FASTKD1: variants seen among roughly 807,000 people sequenced by gnomAD.
FASTKD1 encodes FAST kinase domains 1.
In FASTKD1, 94 loss-of-function variants were observed where a neutral mutation model predicts 90.9. The observed-to-expected ratio is 1.03, with a 90% CI of 0.88 to 1.23. The LOEUF (loss-of-function observed/expected upper bound fraction) is 1.23, where lower values mean the gene tolerates loss of function less well. FASTKD1 is among the 50% of genes most tolerant of loss of function. FASTKD1 has a pLI of 0.00. For missense variants in FASTKD1, 945 were observed against 993.5 expected (o/e 0.95, Z 0.66); for synonymous variants, 319 against 345.8 (o/e 0.92, Z 0.86).
In FASTKD1 at chr2:169,571,823, T is replaced by A. The variant is rs1362230808; in HGVS notation, c.207A>T (p.Gly69=). ...NKAILSEKQV[G]CAFDMLWKLQ... ...GCTTCCAAAGCATATCAAATGCACA[T>A]CCCACTTGCTTTTCTGAAAGTATGG... The change falls in exon 2 of 15, where the codon GGA becomes GGT. Residue 69 remains glycine (G), a synonymous_variant. Coordinates refer to ENST00000453153, the MANE Select transcript of FASTKD1 (RefSeq NM_024622.6). The A allele has an allele frequency of 6.2e-7, 1 of 1,614,066 alleles. No homozygotes were observed. Among genetic ancestry groups the A allele is most frequent in the Middle Eastern group, 1.7e-4 (1 of 6,058 alleles).
chr2:169,569,351 T>C (rs1684133676), intron 2 of FASTKD1, 99 bp from the exon 3 acceptor site: 2 of 1,132,644 alleles, frequency 1.8e-6, no homozygotes, highest in Non-Finnish European at 2.7e-6. Flanking sequence ...CTCAAGTTAT[T>C]TTCCTCTTAT....
chr2:169,568,488 C>G (rs183847317), intron 3 of FASTKD1, among the ~76,000 whole-genome samples: 1 of 151,662 alleles, frequency 6.6e-6, no homozygotes, highest in African/African-American at 2.4e-5. Context: ...GAAATACTTT[C>G]TTTTCTCTCT....
intron 2 of FASTKD1, among the ~76,000 whole-genome samples, chr2:169,570,352 AT>A (rs1421782409): frequency 6.6e-6 from 1 of 151,174 alleles, no homozygotes; most frequent in African/African-American, 2.4e-5. Context: ...TGCTCTCTTC[AT>A]TTTTTCTTCA....
chr2:169,540,787 C>G (rs1037159837), intron 9 of FASTKD1, among the ~76,000 whole-genome samples: 8 of 152,122 alleles, frequency 5.3e-5, no homozygotes, highest in African/African-American at 1.7e-4. Context: ...AGCTCTGGAG[C>G]CTGGATTATT....
At chr2:169,568,628 T>TAAAAAAAAAAAAAAAA (rs10618482) in intron 3 of FASTKD1, among the ~76,000 whole-genome samples, 4 of 41,506 alleles carry the variant, frequency 9.6e-5, no homozygotes, top group Non-Finnish European at 9.9e-5. Context: ...CCCTGTCCAT[T>TAAAAAAAAAAAAAAAA]AAAAAAAAAA....
chr2:169,557,191 T>C lies in FASTKD1; in HGVS notation c.1078A>G (p.Lys360Glu), dbSNP rs1304024983. ...DMESRNSCLI[K>E]RVTSVLHKHL... ...CGTAAATTTCAGAAAAGATACCTTT[T>C]AATCAGACATGAGTTTCTGCTTTCC... The change falls in exon 6 of 15, where the codon AAA (lysine) becomes GAA (glutamate). Residue 360 changes from lysine to glutamate, a missense_variant. Coordinates refer to ENST00000453153, the MANE Select transcript of FASTKD1 (RefSeq NM_024622.6). The C allele has an allele frequency of 6.3e-7, 1 of 1,597,236 alleles. No homozygotes were observed. The highest frequency in any genetic ancestry group is 1.7e-5 in the Admixed American group (1 of 59,700).
At chr2:169,537,144 TAA>T in intron 12 of FASTKD1, 81 bp downstream of exon 12, 1 of 897,582 alleles carries the variant, frequency 1.1e-6, no homozygotes, top group Non-Finnish European at 1.8e-6. Context: ...CAAAAAACTT[TAA>T]AAAATTCCAA....
At chr2:169,541,986 A>G (rs1428996738) in intron 9 of FASTKD1, among the ~76,000 whole-genome samples, 1 of 152,116 alleles carries the variant, frequency 6.6e-6, no homozygotes, top group African/African-American at 2.4e-5. Flanking sequence ...CTTGACATGC[A>G]TCACTCTCTC....
chr2:169,529,303 T>C lies in FASTKD1; in HGVS notation c.*522A>G, dbSNP rs1029397035. ...CTTAGAATTATCCTTGACTCCTATTTGTCTCATACCTCATATCCAATCAGT... is the reference window on the plus strand; with the variant it reads ...CTTAGAATTATCCTTGACTCCTATTCGTCTCATACCTCATATCCAATCAGT... On this transcript the variant is annotated 3_prime_UTR_variant, in exon 15 of 15. Transcript: ENST00000453153. 2.0e-5 allele frequency among the ~76,000 whole-genome samples: 3 copies of C among 152,196 alleles called. No homozygotes were observed. The highest frequency in any genetic ancestry group is 2.9e-5 in the Non-Finnish European group (2 of 68,040).
At position 169,571,883 on chromosome 2, in the gene FASTKD1, C is replaced by T. The variant is rs1393298626; in HGVS notation, c.147G>A (p.Glu49=). The T allele has an allele frequency of 6.2e-7, 1 of 1,613,948 alleles. No individual in the cohort carries two copies. Among genetic ancestry groups the T allele is most frequent in the East Asian group, 2.2e-5 (1 of 44,858 alleles). Residue 49 remains glutamate (E), a synonymous_variant, in exon 2 of 15, where the codon GAG becomes GAA. Coordinates refer to ENST00000453153, the MANE Select transcript of FASTKD1 (RefSeq NM_024622.6). Reference sequence around the variant, plus strand: ...TTTCAATAAAACCAAACATTTGCTCCTCATCTGTACACTTATTCATCTGAA... The same window carrying T: ...TTTCAATAAAACCAAACATTTGCTCTTCATCTGTACACTTATTCATCTGAA... ...LIIQMNKCTD[E]EQMFGFIERN...
chr2:169,572,552 CTT>C lies in FASTKD1; in HGVS notation c.-142-383_-142-382del, dbSNP rs3834126. On this transcript the variant is annotated intron_variant, in intron 1 of 14. Transcript: ENST00000453153. ...ATATTTATACATACATATATATATA[CTT>C]TTTTTTTTTAATTTTTCAGAAGTAT... Among the ~76,000 whole-genome samples, 362 of 149,816 alleles carry C rather than the reference CTT, an allele frequency of 2.4e-3. 1 individual carries two copies. Among genetic ancestry groups the C allele is most frequent in the African/African-American group, 8.1e-3 (332 of 40,998 alleles).
chr2:169,530,988 C>G (rs745663495), intron 13 of FASTKD1: 2 of 667,410 alleles, frequency 3.0e-6, no homozygotes, highest in South Asian at 2.7e-5. Context: ...AAATATGAAG[C>G]AACACAGCTT....
chr2:169,538,675 C>CAAAAAA (rs35866271), intron 10 of FASTKD1, among the ~76,000 whole-genome samples: 1 of 90,948 alleles, frequency 1.1e-5, no homozygotes, highest in Non-Finnish European at 2.1e-5. Flanking sequence ...AACTCCGTCT[C>CAAAAAA]AAAAAAAAAA....
chr2:169,556,767 C>T (rs1006957681), intron 6 of FASTKD1, among the ~76,000 whole-genome samples: 1 of 152,124 alleles, frequency 6.6e-6, no homozygotes, highest in Admixed American at 6.6e-5. Context: ...GCAGAGGTTG[C>T]AGTGAGCCGA....
rs150947065 is a variant in FASTKD1, at chr2:169,560,760, T to C, written c.598A>G (p.Ile200Val). Residue 200 changes from isoleucine (I) to valine (V), a missense_variant, in exon 5 of 15, where the codon ATA (isoleucine) becomes GTA (valine). Physicochemically the swap from Ile to Val is conservative, Grantham distance 29. Coordinates refer to ENST00000453153, the MANE Select transcript of FASTKD1 (RefSeq NM_024622.6). ...AAATGTCGTGATATTAAAGAAGATATGTTGACCATCAAGACAGACAAGGAA... is the reference window on the plus strand; with the variant it reads ...AAATGTCGTGATATTAAAGAAGATACGTTGACCATCAAGACAGACAAGGAA... The part of the protein sequence containing the change: ...LSSLSVLMVN[I>V]SSLISRHFQQ... 387 of 1,575,148 alleles carry C rather than the reference T, an allele frequency of 2.5e-4. No homozygotes were observed. Among genetic ancestry groups the C allele is most frequent in the Middle Eastern group, 3.4e-4 (2 of 5,928 alleles).
chr2:169,555,290 A>G, intron 6 of FASTKD1, 35 bp from the exon 7 acceptor site: 2 of 1,558,760 alleles, frequency 1.3e-6, no homozygotes, highest in Non-Finnish European at 1.7e-6. Context: ...TAACCAGTTC[A>G]TTCATTTATT....
chr2:169,548,877 G>A (rs1221902084), intron 7 of FASTKD1, among the ~76,000 whole-genome samples: 4 of 151,264 alleles, frequency 2.6e-5, no homozygotes, highest in Admixed American at 1.3e-4. Context: ...GGCAGATCAC[G>A]AGGTCAGGAG....
At chr2:169,550,382 T>A (rs939336916) in intron 7 of FASTKD1, among the ~76,000 whole-genome samples, 1 of 151,714 alleles carries the variant, frequency 6.6e-6, no homozygotes, top group Non-Finnish European at 1.5e-5. Context: ...GGAAAAAAAA[T>A]ACATATATGT....
At chr2:169,530,978 A>C in intron 13 of FASTKD1, 1 of 671,506 alleles carries the variant, frequency 1.5e-6, no homozygotes, top group East Asian at 3.1e-5. Context: ...TGAGGGGTAC[A>C]AATATGAAGC....
Sources: gnomAD v4.1 joint callset for allele counts (sites outside exome capture counted in the v4.1 genomes callset) on GRCh38, gnomAD v4.1.1 for gene constraint, MANE v1.5 for transcripts, NCBI Gene and HGNC (gene_info 2026-07-23, HGNC 2026-07-21) for gene names.